The following PHACTR3 variants were observed in gnomAD, a reference collection of about 807,000 sequenced individuals.
PHACTR3 encodes protein phosphatase 1, regulatory subunit 123.
A neutral mutation model predicts 66.8 loss-of-function variants in PHACTR3; 16 were observed. The observed-to-expected ratio is 0.24, with a 90% CI of 0.16 to 0.36. The LOEUF is 0.36. PHACTR3 is among the 10% of genes least tolerant of loss of function. PHACTR3 has a pLI of 1.00. For synonymous variants in PHACTR3, 323 were observed against 292.1 expected (o/e 1.11, Z -1.08); for missense variants, 647 against 719.9 (o/e 0.90, Z 1.16).
rs538721068 is a variant in PHACTR3, at chr20:59,811,763, T to TG, written c.1328+5571dup. Among the ~76,000 whole-genome samples the TG allele has an allele frequency of 1.1e-4, 16 of 152,272 alleles. No individual in the cohort carries two copies. In the South Asian group the frequency reaches 3.3e-3, roughly 32 times the overall value. ...AAGAGACACTGCCCAGCAAGGGCTC[T>TG]GGAACAGTGCAGCAAGCAGGCTAGA... On this transcript the variant is annotated intron_variant, in intron 8 of 12. Coordinates refer to ENST00000371015, the MANE Select transcript of PHACTR3 (RefSeq NM_080672.5).
At chr20:59,641,868 A>G (rs1277464026) in intron 1 of PHACTR3, among the ~76,000 whole-genome samples, 3 of 152,212 alleles carry the variant, frequency 2.0e-5, no homozygotes, top group African/African-American at 4.8e-5. Flanking sequence ...CAGCAATGAT[A>G]CCCTAGTCTC....
chr20:59,622,992 A>AAAAAAAAAAAAAAAAAAAAAAAAAAAC (rs1371507011), intron 1 of PHACTR3, among the ~76,000 whole-genome samples: 2 of 145,272 alleles, frequency 1.4e-5, no homozygotes, highest in African/African-American at 5.0e-5. Context: ...AAAAAAAAAA[A>AAAAAAAAAAAAAAAAAAAAAAAAAAAC]AAAAAAAAAC....
intron 1 of PHACTR3, among the ~76,000 whole-genome samples, chr20:59,652,806 AC>A (rs76298859): frequency 0.035 from 5,279 of 152,220 alleles, 300 homozygotes; most frequent in East Asian, 0.29. Context: ...GGCCAGATTG[AC>A]ACATAAAATT....
intron 1 of PHACTR3, among the ~76,000 whole-genome samples, chr20:59,716,250 GTGTGTGTGTGTGTT>G (rs2038088237): frequency 7.4e-6 from 1 of 135,992 alleles, no homozygotes; most frequent in South Asian, 2.2e-4. Context: ...GTGTGTGTGT[GTGTGTGTGTGTGTT>G]GTGACAGAGT....
At chr20:59,835,953 T>C (rs1476200441) in intron 8 of PHACTR3, 1 of 152,408 alleles carries the variant, frequency 6.6e-6, no homozygotes, top group Non-Finnish European at 1.5e-5. Flanking sequence ...ACTCCCCCTG[T>C]GCTGGGCTGG....
chr20:59,804,444 C>T (rs1272716621), intron 7 of PHACTR3, among the ~76,000 whole-genome samples: 1 of 152,182 alleles, frequency 6.6e-6, no homozygotes, highest in Non-Finnish European at 1.5e-5. Flanking sequence ...TTTAAGCATA[C>T]CATAGTTCTC....
chr20:59,636,544 T>C (rs1027889536), intron 1 of PHACTR3, among the ~76,000 whole-genome samples: 3 of 152,148 alleles, frequency 2.0e-5, no homozygotes, highest in Admixed American at 6.6e-5. Context: ...GTGTGGGAGA[T>C]GGCCAGGAAG....
rs761701491 is a variant in PHACTR3, at chr20:59,630,389, G to C, written c.118+25257G>C. On this transcript the variant is annotated intron_variant, in intron 1 of 12. Transcript: ENST00000371015. Reference sequence around the variant, plus strand: ...GTAGAGACAGGGTTTCACCCTGTTGGCTAGGCTGGTCTTAAACTCCTAACC... The same window carrying C: ...GTAGAGACAGGGTTTCACCCTGTTGCCTAGGCTGGTCTTAAACTCCTAACC... 1.5e-3 allele frequency among the ~76,000 whole-genome samples: 233 copies of C among 152,188 alleles called. 3 individuals carry two copies. The highest frequency in any genetic ancestry group is 2.5e-4 in the Non-Finnish European group (17 of 68,012).
rs571783983 is a variant in PHACTR3 at position 59,742,646 on chromosome 20, G to A, written c.119-461G>A. Among the ~76,000 whole-genome samples the A allele has an allele frequency of 1.8e-3, 271 of 152,302 alleles. 2 individuals are homozygous for A. The highest frequency in any genetic ancestry group is 2.8e-3 in the Non-Finnish European group (192 of 68,032). On this transcript the variant is annotated intron_variant, in intron 1 of 12. Coordinates refer to ENST00000371015, the MANE Select transcript of PHACTR3 (RefSeq NM_080672.5). The stretch of plus-strand genomic sequence containing the variant: ...TTGGTGCCTGCATAGGTAGCTTCAT[G>A]GGCGTAAGACAAGGGAGTGACCCTG...
At chr20:59,674,382 CCCTTCTCCTGTTCCT>C (rs1299491588) in intron 1 of PHACTR3, among the ~76,000 whole-genome samples, 19 of 142,242 alleles carry the variant, frequency 1.3e-4, no homozygotes, top group Admixed American at 9.3e-4. Context: ...CTGTTCCTTC[CCCTTCTCCTGTTCCT>C]CCTTCTCCTG....
At chr20:59,766,777 G>T (rs2146866219) in intron 4 of PHACTR3, among the ~76,000 whole-genome samples, 1 of 152,326 alleles carries the variant, frequency 6.6e-6, no homozygotes, top group Non-Finnish European at 1.5e-5. Context: ...AGGGACTATT[G>T]TTAACACAAT....
chr20:59,760,736 C>T, intron 4 of PHACTR3, among the ~76,000 whole-genome samples: 1 of 152,108 alleles, frequency 6.6e-6, no homozygotes, highest in East Asian at 1.9e-4. Flanking sequence ...ACAGAGCATT[C>T]CCTACAAAGC....
intron 1 of PHACTR3, among the ~76,000 whole-genome samples, chr20:59,711,968 C>G (rs1209476972): frequency 6.6e-6 from 1 of 151,798 alleles, no homozygotes; most frequent in Non-Finnish European, 1.5e-5. Context: ...TTAAAGAGGT[C>G]TTTATATATT....
intron 3 of PHACTR3, 75 bp from the exon 4 acceptor site, chr20:59,755,107 G>C (rs772102182): frequency 7.5e-6 from 11 of 1,474,016 alleles, no homozygotes; most frequent in Non-Finnish European, 1.0e-5. Flanking sequence ...ATACTTCTCA[G>C]AAAGACTCTT....
intron 7 of PHACTR3, among the ~76,000 whole-genome samples, chr20:59,781,059 C>T (rs1344202961): frequency 6.6e-6 from 1 of 152,186 alleles, no homozygotes; most frequent in African/African-American, 2.4e-5. Flanking sequence ...AGTTTAGCTC[C>T]CAGTTTGTCA....
chr20:59,776,741 C>T (rs868169378), intron 7 of PHACTR3, among the ~76,000 whole-genome samples: 2 of 71,656 alleles, frequency 2.8e-5, no homozygotes, highest in Non-Finnish European at 7.8e-5. Flanking sequence ...TCAAAACCCT[C>T]TGTGGCAGCG....
intron 7 of PHACTR3, among the ~76,000 whole-genome samples, chr20:59,775,844 G>A (rs889983374): frequency 2.0e-5 from 3 of 152,184 alleles, no homozygotes; most frequent in African/African-American, 7.2e-5. Context: ...GCTAGAGCAC[G>A]GTCCCTCAGC....
At chr20:59,583,534 G>A (rs1272787530) in intron 1 of PHACTR3, among the ~76,000 whole-genome samples, 3 of 152,228 alleles carry the variant, frequency 2.0e-5, no homozygotes, top group Admixed American at 6.5e-5. Flanking sequence ...TCCCAGGGCC[G>A]GCCCCAGGAG....
chr20:59,794,898 T>G (rs2041208550), intron 7 of PHACTR3, among the ~76,000 whole-genome samples: 1 of 152,152 alleles, frequency 6.6e-6, no homozygotes, highest in African/African-American at 2.4e-5. Context: ...CCATTTTTCA[T>G]CTCTGATTTT....
Sources: allele counts gnomAD v4.1 joint callset (sites outside exome capture counted in the v4.1 genomes callset), GRCh38; gene constraint gnomAD v4.1.1; transcripts MANE v1.5; gene names NCBI Gene and HGNC (gene_info 2026-07-23, HGNC 2026-07-21).